The following ADAM8 variants were observed in gnomAD, a reference collection of about 807,000 sequenced individuals.
ADAM8 encodes ADAM metallopeptidase domain 8, also known as disintegrin and metalloproteinase domain-containing protein 8.
A neutral mutation model predicts 102.4 loss-of-function variants in ADAM8; 104 were observed. The ratio of observed to expected loss-of-function variants is 1.02; its 90% confidence interval spans 0.87 to 1.20. ADAM8 has a LOEUF of 1.20. ADAM8 is among the 50% of genes most tolerant of loss of function. The pLI is 0.00. For missense variants in ADAM8, 1,132 were observed against 1,159.0 expected (o/e 0.98, Z 0.34); for synonymous variants, 517 against 485.2 (o/e 1.07, Z -0.86).
chr10:133,274,805 C>T (rs764960048), intron 2 of ADAM8: 1 of 413,272 alleles, frequency 2.4e-6, no homozygotes, highest in South Asian at 1.6e-5. Flanking sequence ...CCTGGTGGTG[C>T]CTGCAGAGCC....
rs751905459 is a variant in ADAM8 at position 133,273,020 on chromosome 10, C to CT, written c.574-2dup. 6 of 1,612,744 alleles carry CT rather than the reference C, an allele frequency of 3.7e-6. No individual in the cohort carries two copies. Among genetic ancestry groups the CT allele is most frequent in the Non-Finnish European group, 4.2e-6 (5 of 1,179,848 alleles). On this transcript the variant is annotated splice_acceptor_variant, in intron 6 of 22. Coordinates refer to ENST00000445355, the MANE Select transcript of ADAM8 (RefSeq NM_001109.5). LOFTEE classifies it high-confidence loss of function. ...GGGTCTCTCGGGATGGCAGAGAGTC[C>CT]TGGGGAACAGCCACAAGAAGCCAGT... is the stretch of plus-strand genomic sequence containing the variant.
Position 133,273,762 on chromosome 10 carries a change from C to G in ADAM8, c.383G>C (p.Arg128Thr), listed in dbSNP as rs1379414449. Residue 128 changes from arginine (R) to threonine (T), a missense_variant and splice_region_variant, in exon 5 of 23, where the codon AGG becomes ACG. By Grantham distance (71) the Arg-to-Thr change is moderately conservative. Coordinates refer to ENST00000445355, the MANE Select transcript of ADAM8 (RefSeq NM_001109.5). Reference protein sequence around the residue: ...AASLSTCAGLRGFFQVGSDLH... With the variant: ...AASLSTCAGLTGFFQVGSDLH... ...CCTGGCGTTCGTCCGCCACACCCAC[C>G]TGAGGCCGGCACAGGTGCTGAGGCT... The G allele has an allele frequency of 6.5e-7, 1 of 1,548,460 alleles. No individual in the cohort carries two copies. The highest frequency in any genetic ancestry group is 1.2e-5 in the South Asian group (1 of 84,008).
At chr10:133,264,218 T>C (rs752892543) in intron 21 of ADAM8, among the ~76,000 whole-genome samples, 1 of 151,648 alleles carries the variant, frequency 6.6e-6, no homozygotes, top group African/African-American at 2.4e-5. Flanking sequence ...CAAGCCACCA[T>C]ACCCAGCTAA....
At chr10:133,263,992 G>A (rs1322512930) in intron 21 of ADAM8, 2 of 419,898 alleles carry the variant, frequency 4.8e-6, no homozygotes, top group Non-Finnish European at 8.5e-6. Context: ...GGGCCCACCT[G>A]CCCAGTACAC....
rs948710288 is a variant in ADAM8, at chr10:133,269,232, C to T, written c.1948+213G>A. On this transcript the variant is annotated intron_variant, in intron 18 of 22. Transcript: ENST00000445355. The stretch of plus-strand genomic sequence containing the variant: ...TCAGCTCACGGCCGTGCCCTGCCCT[C>T]GGCCACTGCCTCCCTCTGGGACAGG... 26 of 961,368 alleles carry T rather than the reference C, an allele frequency of 2.7e-5. 1 individual carries two copies. In the African/African-American group the frequency reaches 3.4e-4, roughly 12 times the overall value. 59.6% of individuals were successfully genotyped at this position (961,368 alleles called of 1,614,324 possible).
At chr10:133,276,181 A>T (rs1459531581) in intron 1 of ADAM8, among the ~76,000 whole-genome samples, 6 of 152,104 alleles carry the variant, frequency 3.9e-5, no homozygotes, top group Non-Finnish European at 5.9e-5. Flanking sequence ...CACATCTCCA[A>T]CCTGGAGAGG....
intron 19 of ADAM8, 104 bp downstream of exon 19, chr10:133,268,644 G>C: frequency 7.8e-7 from 1 of 1,274,338 alleles, no homozygotes; most frequent in Non-Finnish European, 1.1e-6. Context: ...AGGAGCCTGG[G>C]TGTCCGTGCC....
intron 7 of ADAM8, 24 bp from the exon 8 acceptor site, chr10:133,272,890 T>G (rs1212797065): frequency 1.2e-6 from 2 of 1,611,028 alleles, no homozygotes; most frequent in African/African-American, 2.7e-5. Context: ...ACCCTCAGGC[T>G]GGAGCCCACA....
chr10:133,270,624 A>C (rs1375897426), intron 15 of ADAM8, 112 bp downstream of exon 15: 25 of 1,535,222 alleles, frequency 1.6e-5, no homozygotes, highest in Non-Finnish European at 2.1e-5. Flanking sequence ...CCTGGGGTCC[A>C]TGGGTCCAGA....
Position 133,271,584 on chromosome 10 carries a change from C to G in ADAM8, c.1228G>C (p.Val410Leu), listed in dbSNP as rs36054052. 12 of 1,558,244 alleles carry G rather than the reference C, an allele frequency of 7.7e-6. No homozygotes were observed. The African/African-American group carries it at 1.1e-4, about 14-fold the overall frequency. Residue 410 changes from valine (V) to leucine (L), a missense_variant, in exon 12 of 23, where the codon GTG (valine) becomes CTG (leucine). Coordinates refer to ENST00000445355, the MANE Select transcript of ADAM8 (RefSeq NM_001109.5). ...CGCTCCACAAACAGGTTCCCACACA[C>G]GGGGCCGCCCACCAGGTGGCTGAGG... Reference protein sequence around the residue: ...PDLSHLVGGPVCGNLFVERGE... With the variant: ...PDLSHLVGGPLCGNLFVERGE...
rs1053407856 is a variant in ADAM8, at chr10:133,262,882, T to TAC, written c.*272_*273dup. ...AGACCAGCGGCCACCTGGAGACACG[T>TAC]ACACACACACGCACCCGCAAGCACA... On this transcript the variant is annotated 3_prime_UTR_variant, in exon 23 of 23. Coordinates refer to ENST00000445355, the MANE Select transcript of ADAM8 (RefSeq NM_001109.5). 6.0e-5 allele frequency: 34 copies of TAC among 565,048 alleles called. No homozygotes were observed. The highest frequency in any genetic ancestry group is 9.3e-5 in the East Asian group (3 of 32,330). The allele number at this position is 565,048 out of a possible 1,614,324, so 35.0% of individuals were successfully genotyped here. A position where few individuals can be genotyped will look rare whatever the true frequency, so the allele number is the denominator to read the frequency against.
intron 2 of ADAM8, among the ~76,000 whole-genome samples, 180 bp downstream of exon 2, chr10:133,275,304 C>T (rs942876400): frequency 2.0e-5 from 3 of 152,200 alleles, no homozygotes; most frequent in Non-Finnish European, 4.4e-5. Context: ...AACGAGGAGG[C>T]TGGGAGCCCT....
intron 16 of ADAM8, 102 bp downstream of exon 16, chr10:133,270,258 T>A: frequency 7.0e-7 from 1 of 1,438,122 alleles, no homozygotes; most frequent in Non-Finnish European, 9.4e-7. Flanking sequence ...TCTGTTCCCA[T>A]GGCCTCGAGC....
chr10:133,274,000 G>T lies in ADAM8; in HGVS notation c.257C>A (p.Thr86Asn). The T allele has an allele frequency of 1.2e-6, 2 of 1,608,282 alleles. No individual in the cohort carries two copies. Among genetic ancestry groups the T allele is most frequent in the Non-Finnish European group, 1.7e-6 (2 of 1,178,804 alleles). Residue 86 changes from threonine to asparagine, a missense_variant, in exon 4 of 23, where the codon ACC (threonine) becomes AAC (asparagine). Coordinates refer to ENST00000445355, the MANE Select transcript of ADAM8 (RefSeq NM_001109.5). ...RDLLGSGYTE[T>N]YTAANGSEVT... ...CTCGGAGCCATTGGCAGCCGTATAG[G>T]TCTCTGTGTAGCCGGAGCCCAGCAG...
chr10:133,268,111 C>T lies in ADAM8; in HGVS notation c.2071G>A (p.Ala691Thr). ...ARSRILSRNV[A>T]PKTTMGRSNP... ...GAGCGCCCCATTGTGGTCTTGGGAG[C>T]CACGTTCCTGGGGAGGAAGCACAGG... The change falls in exon 20 of 23, where the codon GCT becomes ACT. Residue 691 changes from alanine to threonine, a missense_variant. Coordinates refer to ENST00000445355, the MANE Select transcript of ADAM8 (RefSeq NM_001109.5). 7.9e-7 allele frequency: 1 copy of T among 1,270,006 alleles called. No homozygotes were observed. Among genetic ancestry groups the T allele is most frequent in the Non-Finnish European group, 1.0e-6 (1 of 1,000,554 alleles). 78.7% of individuals were successfully genotyped at this position (1,270,006 alleles called of 1,614,324 possible).
intron 20 of ADAM8, 119 bp downstream of exon 20, chr10:133,267,810 G>A (rs936266694): frequency 9.5e-6 from 10 of 1,056,596 alleles, no homozygotes; most frequent in East Asian, 9.3e-5. Context: ...CGGGGCCACC[G>A]CTGGCCTGTG....
chr10:133,275,762 A>T (rs1016256718), intron 1 of ADAM8, 175 bp from the exon 2 acceptor site: 7 of 523,540 alleles, frequency 1.3e-5, no homozygotes, highest in Non-Finnish European at 2.0e-5. Flanking sequence ...AGACCCCAGG[A>T]GCGCCCCCAG....
In ADAM8 at chr10:133,270,884, G is replaced by T. The variant is rs1337263010; in HGVS notation, c.1561C>A (p.Pro521Thr). 6.2e-7 allele frequency: 1 copy of T among 1,610,374 alleles called. No individual in the cohort carries two copies. The highest frequency in any genetic ancestry group is 1.3e-5 in the African/African-American group (1 of 74,908). ...GCCAGCTCTGTGCCCACTTCACCTG[G>T]CCCCCAGAAGGCCTGGCACTGCTGG... is the stretch of plus-strand genomic sequence containing the variant. ...LAQQCQAFWG[P>T]GGQAAEESCF... The change falls in exon 14 of 23, where the codon CCA (proline) becomes ACA (threonine). Residue 521 changes from proline (P) to threonine (T), a missense_variant. By Grantham distance (38) the Pro-to-Thr change is conservative. Transcript: ENST00000445355.
chr10:133,272,803 C>A lies in ADAM8; in HGVS notation c.700G>T (p.Asp234Tyr). Residue 234 changes from aspartate (D) to tyrosine (Y), a missense_variant, in exon 8 of 23, where the codon GAC becomes TAC. Coordinates refer to ENST00000445355, the MANE Select transcript of ADAM8 (RefSeq NM_001109.5). ...CAGCCAGGACCGCTGCCCACCTTGT[C>A]CACGTGATTCACCACCTCCAGCACC... ...HRVLEVVNHVDKLYQKLNFRV... is the reference protein window; with the variant it reads ...HRVLEVVNHVYKLYQKLNFRV... 1 of 1,609,794 alleles carries A rather than the reference C, an allele frequency of 6.2e-7. No homozygotes were observed. Among genetic ancestry groups the A allele is most frequent in the Non-Finnish European group, 8.5e-7 (1 of 1,178,386 alleles).
Sources: gnomAD v4.1 joint callset for allele counts (sites outside exome capture counted in the v4.1 genomes callset) on GRCh38, gnomAD v4.1.1 for gene constraint, MANE v1.5 for transcripts, NCBI Gene and HGNC (gene_info 2026-07-23, HGNC 2026-07-21) for gene names.